Variants in LRRN1 observed in about 807,000 individuals in gnomAD.
LRRN1 encodes the protein leucine rich repeat neuronal 1.
Under a neutral mutation model 45.8 loss-of-function variants are expected in LRRN1, and 14 were observed. The observed-to-expected ratio is 0.31, with a 90% confidence interval of 0.20 to 0.48. The LOEUF is 0.48. LRRN1 is among the 20% of genes least tolerant of loss of function. The pLI, the probability that LRRN1 is intolerant of heterozygous loss-of-function variation, is 0.99. For missense variants in LRRN1, 789 were observed against 874.2 expected, an observed-to-expected ratio of 0.90 and a Z score of 1.23; for synonymous variants, 359 against 330.1, an observed-to-expected ratio of 1.09 and a Z score of -0.95.
At chr3:3,839,345 G>A (rs1052558665) in intron 1 of LRRN1, among the ~76,000 whole-genome samples, 5 of 152,142 alleles carry the variant, frequency 3.3e-5, no homozygotes, top group South Asian at 4.2e-4. Flanking sequence ...TGTTCCATTG[G>A]TCTGTATGTC....
intron 1 of LRRN1, among the ~76,000 whole-genome samples, chr3:3,806,281 T>C (rs1342854818): frequency 6.6e-6 from 1 of 152,190 alleles, no homozygotes; most frequent in African/African-American, 2.4e-5. Flanking sequence ...AAGTGCAGCA[T>C]AGCGTGCTAT....
chr3:3,848,591 T>A lies in LRRN1; in HGVS notation c.*1799T>A, dbSNP rs1236191913. On this transcript the variant is annotated 3_prime_UTR_variant, in exon 2 of 2. Transcript: ENST00000319331. ...ATTAAAAAAAATCACTTTCTTCCCA[T>A]TCTTAAGGGGTTTTGGCAAACAGAA... is the stretch of plus-strand genomic sequence containing the variant. Among the ~76,000 whole-genome samples, 1 of 152,096 alleles carries A rather than the reference T, an allele frequency of 6.6e-6. No homozygotes were observed. Among genetic ancestry groups the A allele is most frequent in the African/African-American group, 2.4e-5 (1 of 41,410 alleles).
intron 1 of LRRN1, among the ~76,000 whole-genome samples, chr3:3,805,342 C>A (rs922504730): frequency 6.6e-6 from 1 of 152,186 alleles, no homozygotes; most frequent in Non-Finnish European, 1.5e-5. Context: ...ATATCATTAA[C>A]CTGCATTGTT....
At chr3:3,838,508 C>T (rs1281295453) in intron 1 of LRRN1, among the ~76,000 whole-genome samples, 1 of 152,194 alleles carries the variant, frequency 6.6e-6, no homozygotes, top group African/African-American at 2.4e-5. Context: ...ACAAATATCT[C>T]TTTAAGATTC....
Position 3,846,329 on chromosome 3 carries a change from T to C in LRRN1, c.1688T>C (p.Ile563Thr), listed in dbSNP as rs1693776376. 5 of 1,613,972 alleles carry C rather than the reference T, an allele frequency of 3.1e-6. No homozygotes were observed. Among genetic ancestry groups the C allele is most frequent in the Admixed American group, 1.7e-5 (1 of 60,018 alleles). ...AAATGGTCGTCTGCCACCATGAAGA[T>C]TGATAACCCTCACATAACATATACT... ...NLKWSSATMKIDNPHITYTAR... is the reference protein window; with the variant it reads ...NLKWSSATMKTDNPHITYTAR... The change falls in exon 2 of 2, where the codon ATT becomes ACT. Residue 563 changes from isoleucine (I) to threonine (T), a missense_variant. Ile to Thr is a moderately conservative substitution (Grantham distance 89). Coordinates refer to ENST00000319331, the MANE Select transcript of LRRN1 (RefSeq NM_020873.7). The surrounding 1 kb of genome is among the most constrained non-coding windows in gnomAD (Gnocchi z 5.7).
At chr3:3,822,160 T>C (rs932142602) in intron 1 of LRRN1, among the ~76,000 whole-genome samples, 2 of 152,146 alleles carry the variant, frequency 1.3e-5, no homozygotes, top group Non-Finnish European at 2.9e-5. Flanking sequence ...CCCATAAAAA[T>C]AGGAACATGA....
In LRRN1 at chr3:3,849,716, G is replaced by T. The variant is rs1575309147; in HGVS notation, c.*2924G>T. On this transcript the variant is annotated 3_prime_UTR_variant, in exon 2 of 2. Coordinates refer to ENST00000319331, the MANE Select transcript of LRRN1 (RefSeq NM_020873.7). ...TTGCTCATTTAATTAATGAAAAATT[G>T]AACTGATGCCATGGATATAAAAACA... Among the ~76,000 whole-genome samples, 1 of 152,138 alleles carries T rather than the reference G, an allele frequency of 6.6e-6. No homozygotes were observed. Among genetic ancestry groups the T allele is most frequent in the South Asian group, 2.1e-4 (1 of 4,826 alleles).
chr3:3,822,551 T>G (rs2106459087), intron 1 of LRRN1, among the ~76,000 whole-genome samples: 1 of 152,304 alleles, frequency 6.6e-6, no homozygotes, highest in East Asian at 1.9e-4. Context: ...AACACTTCTT[T>G]CCAGACAATT....
chr3:3,839,229 GT>G (rs1693592773), intron 1 of LRRN1, among the ~76,000 whole-genome samples: 1 of 152,086 alleles, frequency 6.6e-6, no homozygotes, highest in Non-Finnish European at 1.5e-5. Context: ...TAGATATCCA[GT>G]TTTCCTCACA....
At chr3:3,836,524 A>G (rs1407853230) in intron 1 of LRRN1, among the ~76,000 whole-genome samples, 3 of 152,164 alleles carry the variant, frequency 2.0e-5, no homozygotes, top group Middle Eastern at 3.4e-3. Context: ...TTAAAGCTGG[A>G]TAGTATTCCA....
At chr3:3,839,353 GTCT>G (rs142587560) in intron 1 of LRRN1, among the ~76,000 whole-genome samples, 230 of 152,248 alleles carry the variant, frequency 1.5e-3, no homozygotes, top group African/African-American at 5.3e-3. Flanking sequence ...TGGTCTGTAT[GTCT>G]GCCTTTATGT....
chr3:3,799,715 T>G lies in LRRN1; in HGVS notation c.-483T>G, dbSNP rs1264453167. 1 of 154,216 alleles carries G rather than the reference T, an allele frequency of 6.5e-6. No homozygotes were observed. Among genetic ancestry groups the G allele is most frequent in the African/African-American group, 2.4e-5 (1 of 41,464 alleles). The allele number at this position is 154,216 out of a possible 1,614,324, so 9.6% of individuals were successfully genotyped here. A position where few individuals can be genotyped will look rare whatever the true frequency, so the allele number is the denominator to read the frequency against. On this transcript the variant is annotated 5_prime_UTR_variant, in exon 1 of 2. Transcript: ENST00000319331. ...AGCCCCGTGCAGCAGCGGTTGCCTG[T>G]GTCGCCGCCTAGTCTCCGGTCTTGG... is the stretch of plus-strand genomic sequence containing the variant.
In LRRN1 at chr3:3,845,171, A is replaced by G; in HGVS notation, c.530A>G (p.Asn177Ser). 2.5e-6 allele frequency: 4 copies of G among 1,614,196 alleles called. No homozygotes were observed. The highest frequency in any genetic ancestry group is 3.4e-6 in the Non-Finnish European group (4 of 1,180,028). Residue 177 changes from asparagine (N) to serine (S), a missense_variant, in exon 2 of 2, where the codon AAC becomes AGC. By Grantham distance (46) the Asn-to-Ser change is conservative. Transcript: ENST00000319331. The surrounding 1 kb of genome is among the most constrained non-coding windows in gnomAD (Gnocchi z 6.5). Reference sequence around the variant, plus strand: ...CTATTAAGGCTCCACCTGAACTCCAACAAATTGAAAGTTATTGATAGTCGC... The same window carrying G: ...CTATTAAGGCTCCACCTGAACTCCAGCAAATTGAAAGTTATTGATAGTCGC... The part of the protein sequence containing the change: ...KNLLRLHLNS[N>S]KLKVIDSRWF...
intron 1 of LRRN1, among the ~76,000 whole-genome samples, chr3:3,805,920 C>G (rs1020932309): frequency 6.6e-6 from 1 of 152,212 alleles, no homozygotes; most frequent in African/African-American, 2.4e-5. Context: ...GCAGCTTGTA[C>G]ATTGGAGCAT....
chr3:3,838,613 A>T (rs1479476797), intron 1 of LRRN1, among the ~76,000 whole-genome samples: 1 of 152,226 alleles, frequency 6.6e-6, no homozygotes, highest in African/African-American at 2.4e-5. Context: ...ATTGTTTTCC[A>T]TAATGGTTGC....
chr3:3,834,515 G>C (rs552980475), intron 1 of LRRN1, among the ~76,000 whole-genome samples: 1 of 9,530 alleles, frequency 1.0e-4, no homozygotes, highest in African/African-American at 2.2e-4. Flanking sequence ...CTCTTAGAGG[G>C]ACAGAACAGG....
At chr3:3,804,407 G>C (rs778446857) in intron 1 of LRRN1, among the ~76,000 whole-genome samples, 1 of 152,156 alleles carries the variant, frequency 6.6e-6, no homozygotes, top group African/African-American at 2.4e-5. Flanking sequence ...CTAATGAACT[G>C]AGGATCATTC....
In LRRN1 at chr3:3,845,034, T is replaced by G. The variant is rs1234808171; in HGVS notation, c.393T>G (p.Ile131Met). 1.2e-6 allele frequency: 2 copies of G among 1,614,034 alleles called. No homozygotes were observed. The highest frequency in any genetic ancestry group is 1.7e-6 in the Non-Finnish European group (2 of 1,180,036). ...LTTLHLEENQ[I>M]TEMTDYCLQD... ...CGCTGCATTTGGAGGAAAATCAGAT[T>G]ACCGAGATGACTGATTACTGTCTAC... The change falls in exon 2 of 2, where the codon ATT (isoleucine) becomes ATG (methionine). Residue 131 changes from isoleucine (I) to methionine (M), a missense_variant. Coordinates refer to ENST00000319331, the MANE Select transcript of LRRN1 (RefSeq NM_020873.7). This position sits in a 1 kb window ranked among gnomAD's most constrained non-coding sequence, Gnocchi z 6.5.
intron 1 of LRRN1, among the ~76,000 whole-genome samples, chr3:3,819,548 G>A (rs9855545): frequency 0.99 from 150,131 of 152,232 alleles, 74,077 homozygotes; most frequent in Middle Eastern, 1. Flanking sequence ...TGGAACTCCA[G>A]TCTCTGCCTT....
Sources: gnomAD v4.1 joint callset for allele counts (sites outside exome capture counted in the v4.1 genomes callset) on GRCh38, gnomAD v4.1.1 for gene constraint, Gnocchi (gnomAD v3.1) non-coding constraint, MANE v1.5 for transcripts, NCBI Gene and HGNC (gene_info 2026-07-23, HGNC 2026-07-21) for gene names.